FHL5: variants seen among roughly 807,000 people sequenced by gnomAD.
FHL5 encodes four and a half LIM domains 5.
FHL5 carries 33 observed loss-of-function variants against 32.0 expected under a neutral mutation model. That is an observed-to-expected ratio of 1.03 (90% CI 0.78 to 1.38). The LOEUF is 1.38. FHL5 is among the 40% of genes most tolerant of loss of function. The pLI, the probability that FHL5 is intolerant of heterozygous loss-of-function variation, is 0.00. For synonymous variants in FHL5, 114 were observed against 113.6 expected, an observed-to-expected ratio of 1.00 and a Z score of -0.02; for missense variants, 336 against 343.9, an observed-to-expected ratio of 0.98 and a Z score of 0.18.
At chr6:96,602,437 T>C (rs923561191) in intron 1 of FHL5, among the ~76,000 whole-genome samples, 6,702 of 93,970 alleles carry the variant, frequency 0.071, 634 homozygotes, top group Middle Eastern at 0.097. Context: ...TTTTTTTTTT[T>C]TTTTTTTTTT....
At position 96,592,893 on chromosome 6, in the gene FHL5, G is replaced by T. The variant is rs146513990; in HGVS notation, c.-12-10709G>T. Among the ~76,000 whole-genome samples the T allele has an allele frequency of 3.4e-3, 523 of 152,084 alleles. 5 individuals carry two copies. The highest frequency in any genetic ancestry group is 0.012 in the African/African-American group (487 of 41,498). ...CAAGTGTGTTTTTCAGGTCAGTTGA[G>T]GTTCATGTTTTCTTGGTTTTTAAAA... On this transcript the variant is annotated intron_variant, in intron 1 of 5. Coordinates refer to ENST00000450218, the MANE Select transcript of FHL5 (RefSeq NM_001322466.2).
chr6:96,595,821 A>G (rs1465186757), intron 1 of FHL5, among the ~76,000 whole-genome samples: 1 of 151,792 alleles, frequency 6.6e-6, no homozygotes, highest in East Asian at 1.9e-4. Flanking sequence ...TTTCTATATA[A>G]TGCTCTCTGT....
intron 5 of FHL5, among the ~76,000 whole-genome samples, chr6:96,613,266 G>A (rs1771450937): frequency 6.6e-6 from 1 of 152,102 alleles, no homozygotes; most frequent in African/African-American, 2.4e-5. Flanking sequence ...TTTTTAAAAA[G>A]CTCTGAGAAA....
chr6:96,586,878 A>G (rs1770810485), intron 1 of FHL5, among the ~76,000 whole-genome samples: 1 of 152,232 alleles, frequency 6.6e-6, no homozygotes, highest in Non-Finnish European at 1.5e-5. Context: ...AGAGCTTTCA[A>G]TGGAAATTTT....
At position 96,616,811 on chromosome 6, in the gene FHL5, G is replaced by A. The variant is rs1001476163; in HGVS notation, c.*1039G>A. ...TAAAAGTGGGCTTTAAAGAAATCTA[G>A]TAATAATAAAAGCTGAAAAAGAATA... is the stretch of plus-strand genomic sequence containing the variant. On this transcript the variant is annotated 3_prime_UTR_variant, in exon 6 of 6. Coordinates refer to ENST00000450218, the MANE Select transcript of FHL5 (RefSeq NM_001322466.2). 3.3e-5 allele frequency among the ~76,000 whole-genome samples: 5 copies of A among 152,096 alleles called. No individual in the cohort carries two copies. The highest frequency in any genetic ancestry group is 4.8e-5 in the African/African-American group (2 of 41,416).
intron 1 of FHL5, among the ~76,000 whole-genome samples, chr6:96,594,224 AATTTATATATATATAT>A (rs1246266176): frequency 9.7e-6 from 1 of 102,712 alleles, no homozygotes; most frequent in African/African-American, 3.9e-5. Context: ...TAAATATTAG[AATTTATATATATATAT>A]ATATATATAT....
intron 1 of FHL5, among the ~76,000 whole-genome samples, chr6:96,598,164 G>A (rs951314241): frequency 1.3e-5 from 2 of 152,122 alleles, no homozygotes; most frequent in African/African-American, 4.8e-5. Flanking sequence ...GCCACCACGA[G>A]TACTGCCACA....
intron 1 of FHL5, among the ~76,000 whole-genome samples, chr6:96,594,227 T>C (rs866466359): frequency 3.0e-5 from 2 of 66,882 alleles, no homozygotes; most frequent in East Asian, 9.8e-4. Context: ...ATATTAGAAT[T>C]TATATATATA....
intron 1 of FHL5, 108 bp from the exon 2 acceptor site, chr6:96,603,494 A>C (rs1318706341): frequency 1.2e-6 from 1 of 804,626 alleles, no homozygotes; most frequent in Non-Finnish European, 2.0e-6. Context: ...TTGCTTAAGA[A>C]AATATAAGTT....
intron 1 of FHL5, among the ~76,000 whole-genome samples, chr6:96,584,569 G>C (rs1344569257): frequency 2.0e-5 from 3 of 151,884 alleles, no homozygotes; most frequent in Non-Finnish European, 4.4e-5. Flanking sequence ...TCTATGCTAA[G>C]TAGTTGAGTT....
At position 96,577,868 on chromosome 6, in the gene FHL5, ATG is replaced by A. The variant is rs1770615485; in HGVS notation, c.-13+14514_-13+14515del. ...AACTTCTACGTGGAAAACAAAACAA[ATG>A]GCTTCTGTGAGAAGCCTGGAAACCT... On this transcript the variant is annotated intron_variant, in intron 1 of 5. Transcript: ENST00000450218. Among the ~76,000 whole-genome samples, 8 of 151,892 alleles carry A rather than the reference ATG, an allele frequency of 5.3e-5. No individual in the cohort carries two copies. The South Asian group carries it at 1.7e-3, about 32-fold the overall frequency.
chr6:96,614,465 A>G (rs746917286), intron 5 of FHL5, among the ~76,000 whole-genome samples: 4 of 152,244 alleles, frequency 2.6e-5, no homozygotes, highest in Non-Finnish European at 5.9e-5. Context: ...TAAATTATAT[A>G]TGAAGACATC....
intron 4 of FHL5, among the ~76,000 whole-genome samples, chr6:96,609,414 G>T (rs1771351115): frequency 6.6e-6 from 1 of 152,056 alleles, no homozygotes; most frequent in Non-Finnish European, 1.5e-5. Flanking sequence ...AAGGTGATGT[G>T]GCTTAAAAAT....
intron 1 of FHL5, among the ~76,000 whole-genome samples, chr6:96,580,696 G>A (rs1182273906): frequency 6.6e-6 from 1 of 152,138 alleles, no homozygotes; most frequent in Non-Finnish European, 1.5e-5. Flanking sequence ...ATATTATATG[G>A]TTAGTCTTGG....
chr6:96,568,777 A>G (rs1335762550), intron 1 of FHL5, among the ~76,000 whole-genome samples: 1 of 151,708 alleles, frequency 6.6e-6, no homozygotes, highest in African/African-American at 2.4e-5. Flanking sequence ...GTCTCTGATA[A>G]TTTTTTGTAT....
At chr6:96,602,593 G>A (rs1279069384) in intron 1 of FHL5, among the ~76,000 whole-genome samples, 1 of 151,598 alleles carries the variant, frequency 6.6e-6, no homozygotes, top group African/African-American at 2.4e-5. Context: ...ACTACAGGCT[G>A]TGCATTGTTT....
In FHL5 at chr6:96,606,065, TAAG is replaced by T; in HGVS notation, c.502_504del (p.Lys168del). ...AGTTTGCTCACTACTGCAACTTTTGTAAGAAGGTAATTTTCTAAAGAGGGTGAA... is the reference window on the plus strand; with the variant it reads ...AGTTTGCTCACTACTGCAACTTTTGTAAGGTAATTTTCTAAAGAGGGTGAA... On this transcript the variant is annotated inframe_deletion, in exon 4 of 6. Coordinates refer to ENST00000450218, the MANE Select transcript of FHL5 (RefSeq NM_001322466.2). 1.2e-6 allele frequency: 2 copies of T among 1,613,244 alleles called. No homozygotes were observed. Among genetic ancestry groups the T allele is most frequent in the East Asian group, 2.2e-5 (1 of 44,852 alleles).
intron 1 of FHL5, among the ~76,000 whole-genome samples, chr6:96,587,863 C>A (rs1185664379): frequency 6.6e-6 from 1 of 152,114 alleles, no homozygotes; most frequent in Non-Finnish European, 1.5e-5. Context: ...CTTGTTTACT[C>A]AATATTGTAA....
chr6:96,563,642 G>T (rs1562048916), intron 1 of FHL5, among the ~76,000 whole-genome samples: 1 of 152,010 alleles, frequency 6.6e-6, no homozygotes, highest in African/African-American at 2.4e-5. Context: ...TTTTTCTAAT[G>T]GTCTTAATGT....
Sources: allele counts gnomAD v4.1 joint callset (sites outside exome capture counted in the v4.1 genomes callset), GRCh38; gene constraint gnomAD v4.1.1; transcripts MANE v1.5; gene names NCBI Gene and HGNC (gene_info 2026-07-23, HGNC 2026-07-21).